PTPN9: variants seen among roughly 807,000 people sequenced by gnomAD.
PTPN9 encodes the protein tyrosine-protein phosphatase non-receptor type 9.
In PTPN9, 26 loss-of-function variants were observed where a neutral mutation model predicts 69.8. The observed-to-expected ratio is 0.37, with a 90% confidence interval of 0.27 to 0.52. PTPN9 has a LOEUF of 0.52. Among genes scored for constraint, PTPN9 ranks in the 20% least tolerant of loss-of-function variants. The pLI is 0.91. For missense variants in PTPN9, 549 were observed against 740.3 expected (o/e 0.74, Z 3.00); for synonymous variants, 274 against 272.5 (o/e 1.01, Z -0.05).
chr15:75,578,669 CG>C (rs1289932670), intron 1 of PTPN9, 44 bp downstream of exon 1: 2 of 1,319,920 alleles, frequency 1.5e-6, no homozygotes, highest in Non-Finnish European at 1.9e-6. Context: ...GCGTAGGCCT[CG>C]GGGGCCCGGA....
chr15:75,475,877 G>A (rs754758788), intron 9 of PTPN9, among the ~76,000 whole-genome samples: 4 of 151,662 alleles, frequency 2.6e-5, no homozygotes, highest in African/African-American at 4.8e-5. Flanking sequence ...AGTGGCGCAC[G>A]CCTGTAATCC....
intron 12 of PTPN9, 118 bp from the exon 13 acceptor site, chr15:75,469,101 G>C: frequency 1.1e-6 from 1 of 946,122 alleles, no homozygotes; most frequent in Non-Finnish European, 1.6e-6. Flanking sequence ...CATGGCAGAA[G>C]GCCAGGTGGC....
chr15:75,546,879 C>A (rs2141333121), intron 1 of PTPN9, among the ~76,000 whole-genome samples: 1 of 152,048 alleles, frequency 6.6e-6, no homozygotes, highest in South Asian at 2.1e-4. Flanking sequence ...AGTGTGATAG[C>A]CAACAACTAA....
At chr15:75,521,444 T>C (rs923173648) in intron 4 of PTPN9, among the ~76,000 whole-genome samples, 1 of 146,438 alleles carries the variant, frequency 6.8e-6, no homozygotes, top group African/African-American at 2.5e-5. Context: ...AGACCGAGAC[T>C]CCGTCTCAAA....
At chr15:75,475,825 T>C (rs1411478615) in intron 9 of PTPN9, among the ~76,000 whole-genome samples, 1 of 152,000 alleles carries the variant, frequency 6.6e-6, no homozygotes, top group South Asian at 2.1e-4. Context: ...AAATATCCAA[T>C]AAGAGAGGAT....
At chr15:75,576,043 A>C (rs980619441) in intron 1 of PTPN9, among the ~76,000 whole-genome samples, 1 of 149,814 alleles carries the variant, frequency 6.7e-6, no homozygotes, top group Non-Finnish European at 1.5e-5. Context: ...ACCATCCTCC[A>C]ACATGGTGAA....
At chr15:75,578,632 G>C in intron 1 of PTPN9, 82 bp downstream of exon 1, 1 of 1,137,920 alleles carries the variant, frequency 8.8e-7, no homozygotes, top group Non-Finnish European at 1.1e-6. Context: ...TGGCTGCAAA[G>C]AGCCGGCACT....
chr15:75,568,739 A>G (rs1184726393), intron 1 of PTPN9, among the ~76,000 whole-genome samples: 1 of 151,730 alleles, frequency 6.6e-6, no homozygotes, highest in Non-Finnish European at 1.5e-5. Flanking sequence ...ATAGAGGCTG[A>G]GGAAGGAGGA....
At chr15:75,534,692 G>T (rs888600934) in intron 1 of PTPN9, among the ~76,000 whole-genome samples, 2 of 147,548 alleles carry the variant, frequency 1.4e-5, no homozygotes, top group African/African-American at 5.0e-5. Flanking sequence ...AAAAAAAAAG[G>T]CCAGGTGCAA....
chr15:75,527,870 G>GA (rs2074937767), intron 1 of PTPN9, among the ~76,000 whole-genome samples: 1 of 150,916 alleles, frequency 6.6e-6, no homozygotes, highest in African/African-American at 2.4e-5. Context: ...AAAAAAGAAA[G>GA]AAAGAAAAAA....
At chr15:75,549,746 G>A (rs779508622) in intron 1 of PTPN9, among the ~76,000 whole-genome samples, 17 of 152,106 alleles carry the variant, frequency 1.1e-4, no homozygotes, top group Non-Finnish European at 1.9e-4. Context: ...AGGCTGGGGC[G>A]GAAGGATTGC....
rs1567507325 is a variant in PTPN9, at chr15:75,530,775, T to TA, written c.64-3515_64-3514insT. Among the ~76,000 whole-genome samples the TA allele has an allele frequency of 3.1e-4, 25 of 79,988 alleles. 1 individual carries two copies. The highest frequency in any genetic ancestry group is 5.1e-4 in the Non-Finnish European group (23 of 44,662). 52.5% of individuals were successfully genotyped at this position (79,988 alleles called of 152,430 possible). On this transcript the variant is annotated intron_variant, in intron 1 of 12. Coordinates refer to ENST00000618819, the MANE Select transcript of PTPN9 (RefSeq NM_002833.4). Reference sequence around the variant, plus strand: ...ATAATATAATATATTATTATAATTATTATAATATAATATATAATAGAATAT... The same window carrying TA: ...ATAATATAATATATTATTATAATTATATATAATATAATATATAATAGAATAT...
intron 1 of PTPN9, among the ~76,000 whole-genome samples, chr15:75,531,929 G>A (rs921049007): frequency 6.6e-6 from 1 of 151,996 alleles, no homozygotes; most frequent in African/African-American, 2.4e-5. Flanking sequence ...CCTCTCTGAT[G>A]TTGCTTATAG....
intron 5 of PTPN9, among the ~76,000 whole-genome samples, chr15:75,514,510 TGGAG>T (rs1426571987): frequency 2.0e-5 from 3 of 151,864 alleles, no homozygotes; most frequent in Non-Finnish European, 4.4e-5. Context: ...ACCCAGGAGG[TGGAG>T]GTTGCAGTGA....
At chr15:75,561,052 C>T (rs2075102162) in intron 1 of PTPN9, among the ~76,000 whole-genome samples, 1 of 150,784 alleles carries the variant, frequency 6.6e-6, no homozygotes, top group Non-Finnish European at 1.5e-5. Flanking sequence ...CATGGCGGCC[C>T]ATGCCTGTAA....
intron 4 of PTPN9, among the ~76,000 whole-genome samples, chr15:75,520,957 A>G (rs2074902044): frequency 6.6e-6 from 1 of 151,946 alleles, no homozygotes; most frequent in Admixed American, 6.6e-5. Flanking sequence ...TGATCCTCCC[A>G]GTTCAGCCTT....
chr15:75,540,414 G>A (rs1263800133), intron 1 of PTPN9, among the ~76,000 whole-genome samples: 3 of 152,158 alleles, frequency 2.0e-5, no homozygotes, highest in Admixed American at 6.6e-5. Flanking sequence ...TTAGCCAGAC[G>A]TGGTGGCACA....
chr15:75,480,675 C>T, intron 8 of PTPN9: 7 of 1,261,372 alleles, frequency 5.5e-6, no homozygotes, highest in Non-Finnish European at 7.1e-6. Context: ...AGCGGAGCCG[C>T]TGCCGCGACC....
At chr15:75,470,892 TCCCCAAAGACCTGATATAC>T in intron 10 of PTPN9, 62 bp from the exon 11 acceptor site, 1 of 1,575,570 alleles carries the variant, frequency 6.3e-7, no homozygotes, top group South Asian at 1.2e-5. Context: ...TAACCTGGCT[TCCCCAAAGACCTGATATAC>T]CCCCAGGCAG....
Sources: gnomAD v4.1 joint callset for allele counts (sites outside exome capture counted in the v4.1 genomes callset) on GRCh38, gnomAD v4.1.1 for gene constraint, MANE v1.5 for transcripts, NCBI Gene and HGNC (gene_info 2026-07-23, HGNC 2026-07-21) for gene names.